ABL2: variants seen among roughly 807,000 people sequenced by gnomAD.
ABL2 encodes ABL proto-oncogene 2, non-receptor tyrosine kinase, also known as tyrosine-protein kinase ABL2.
A neutral mutation model predicts 107.7 loss-of-function variants in ABL2; 49 were observed. The observed-to-expected ratio is 0.45, with a 90% CI of 0.36 to 0.58. The LOEUF is 0.58. Among genes scored for constraint, ABL2 ranks in the 20% least tolerant of loss-of-function variants. ABL2 has a pLI of 0.00. For synonymous variants in ABL2, 549 were observed against 548.6 expected, an observed-to-expected ratio of 1.00 and a Z score of -0.01; for missense variants, 1,245 against 1,457.0, an observed-to-expected ratio of 0.85 and a Z score of 2.37.
intron 4 of ABL2, among the ~76,000 whole-genome samples, chr1:179,123,089 A>T (rs1365003429): frequency 1.3e-5 from 2 of 152,236 alleles, no homozygotes; most frequent in Non-Finnish European, 2.9e-5. Context: ...ATATCACCTT[A>T]ATCTTGTAAA....
intron 1 of ABL2, among the ~76,000 whole-genome samples, chr1:179,217,139 C>T (rs868818712): frequency 3.3e-5 from 5 of 150,636 alleles, no homozygotes; most frequent in African/African-American, 7.3e-5. Flanking sequence ...ACTAAAAATA[C>T]AAAAATTAGC....
intron 1 of ABL2, chr1:179,137,926 G>A (rs1657192435): frequency 6.6e-6 from 1 of 152,218 alleles, no homozygotes; most frequent in Non-Finnish European, 1.5e-5. Context: ...GTTTAAGAAG[G>A]ATGATTGATT....
intron 1 of ABL2, among the ~76,000 whole-genome samples, chr1:179,162,204 T>C (rs1381803208): frequency 6.6e-6 from 1 of 152,134 alleles, no homozygotes; most frequent in Admixed American, 6.5e-5. Context: ...CATAGTCAAA[T>C]AAGATTGGAA....
chr1:179,209,127 C>A (rs1186041595), intron 1 of ABL2, among the ~76,000 whole-genome samples: 1 of 152,204 alleles, frequency 6.6e-6, no homozygotes, highest in Non-Finnish European at 1.5e-5. Flanking sequence ...CCTTCTCCAG[C>A]CCTTCTCCTC....
chr1:179,194,876 CAG>C (rs768778812), intron 1 of ABL2, among the ~76,000 whole-genome samples: 3 of 152,102 alleles, frequency 2.0e-5, no homozygotes, highest in Non-Finnish European at 4.4e-5. Flanking sequence ...AAAAAGCAAA[CAG>C]ATTCAAAAAT....
intron 1 of ABL2, among the ~76,000 whole-genome samples, chr1:179,149,301 A>G (rs1277931783): frequency 6.6e-6 from 1 of 152,248 alleles, no homozygotes; most frequent in East Asian, 1.9e-4. Context: ...GAGGTAAGGA[A>G]GCTGCAGAAG....
At chr1:179,227,909 G>A (rs1663311665) in intron 1 of ABL2, among the ~76,000 whole-genome samples, 1 of 151,916 alleles carries the variant, frequency 6.6e-6, no homozygotes, top group African/African-American at 2.4e-5. Context: ...AAATTAGCCG[G>A]GTGTGGTGGC....
chr1:179,193,650 C>G (rs1661142335), intron 1 of ABL2, among the ~76,000 whole-genome samples: 1 of 152,158 alleles, frequency 6.6e-6, no homozygotes, highest in Non-Finnish European at 1.5e-5. Context: ...AAGTGATCCA[C>G]CCTCCTTGGC....
chr1:179,166,177 G>A lies in ABL2; in HGVS notation c.158-32803C>T, dbSNP rs543432790. Among the ~76,000 whole-genome samples the A allele has an allele frequency of 1.1e-4, 16 of 152,168 alleles. No individual in the cohort carries two copies. In the South Asian group the frequency reaches 3.3e-3, roughly 32 times the overall value. On this transcript the variant is annotated intron_variant, in intron 1 of 11. Coordinates refer to ENST00000502732, the MANE Select transcript of ABL2 (RefSeq NM_007314.4). ...CATAGGAAAAATGCTTCAGGACATT[G>A]ATCTAGGCAAAGATTTTATGGCTAA... is the stretch of plus-strand genomic sequence containing the variant.
At chr1:179,190,993 G>A (rs1166222053) in intron 1 of ABL2, among the ~76,000 whole-genome samples, 1 of 152,152 alleles carries the variant, frequency 6.6e-6, no homozygotes, top group East Asian at 1.9e-4. Flanking sequence ...AAAAAGTAGA[G>A]GCAGCGATCC....
chr1:179,184,785 T>TC (rs1660587451), intron 1 of ABL2, among the ~76,000 whole-genome samples: 1 of 152,156 alleles, frequency 6.6e-6, no homozygotes, highest in Admixed American at 6.5e-5. Flanking sequence ...CTCTTGTGGC[T>TC]CACTTGCCCT....
chr1:179,122,282 A>T (rs1360657579), intron 4 of ABL2, among the ~76,000 whole-genome samples: 1 of 150,890 alleles, frequency 6.6e-6, no homozygotes, highest in Non-Finnish European at 1.5e-5. Context: ...TCTTTAAAAA[A>T]AAAAAAAAAA....
chr1:179,147,868 G>C (rs375615665), intron 1 of ABL2, among the ~76,000 whole-genome samples: 1 of 152,074 alleles, frequency 6.6e-6, no homozygotes, highest in African/African-American at 2.4e-5. Flanking sequence ...GCAATAGAGA[G>C]ACCTCAGCTT....
Position 179,110,329 on chromosome 1 carries a change from T to C in ABL2, c.1778A>G (p.Glu593Gly), listed in dbSNP as rs1490518970. 1.9e-6 allele frequency: 3 copies of C among 1,614,242 alleles called. No individual in the cohort carries two copies. Among genetic ancestry groups the C allele is most frequent in the Non-Finnish European group, 2.5e-6 (3 of 1,180,048 alleles). Residue 593 changes from glutamate to glycine, a missense_variant, in exon 11 of 12, where the codon GAA becomes GGA. Glu to Gly is a moderately conservative substitution (Grantham distance 98). Transcript: ENST00000502732. ...ATTTTCTGTGGCATCTTGTGCCCCT[T>C]CAATGTTCTCCTTGTTCTCCACCTG... ...KKQVENKENI[E>G]GAQDATENSA... is the part of the protein sequence containing the mutation.
chr1:179,198,663 A>G (rs1182200833), intron 1 of ABL2, among the ~76,000 whole-genome samples: 1 of 121,458 alleles, frequency 8.2e-6, no homozygotes, highest in African/African-American at 3.2e-5. Context: ...ACTGCACTCC[A>G]GCCTGGGCAA....
Position 179,229,320 on chromosome 1 carries a change from A to T in ABL2, c.78T>A (p.Ser26Arg), listed in dbSNP as rs768448217. The change falls in exon 1 of 12, where the codon AGT becomes AGA. Residue 26 changes from serine to arginine, a missense_variant. Physicochemically the swap from Ser to Arg is moderately radical, Grantham distance 110. Around this residue, in one of 3 missense-constraint regions of ABL2, gnomAD observed 164 missense variants for 143.7 expected, o/e 1.14. Coordinates refer to ENST00000502732, the MANE Select transcript of ABL2 (RefSeq NM_007314.4). ...GCCTGCGGCCGGAGGGCCTGGCTGC[A>T]CTGCTGCCCCGGATCCCGCGGGGCT... ...QPQPRGIRGSSAARPSGRRRD... is the reference protein window; with the variant it reads ...QPQPRGIRGSRAARPSGRRRD... 1 of 1,583,658 alleles carries T rather than the reference A, an allele frequency of 6.3e-7. No individual in the cohort carries two copies. The highest frequency in any genetic ancestry group is 8.6e-7 in the Non-Finnish European group (1 of 1,167,672).
At chr1:179,184,476 C>A in intron 1 of ABL2, 2 of 875,294 alleles carry the variant, frequency 2.3e-6, no homozygotes, top group Non-Finnish European at 3.6e-6. Context: ...TGCAGGTGCT[C>A]ATATGTTAGG....
chr1:179,171,043 T>C lies in ABL2; in HGVS notation c.158-37669A>G, dbSNP rs114517615. Among the ~76,000 whole-genome samples the C allele has an allele frequency of 8.5e-3, 1,298 of 152,300 alleles. 15 individuals are homozygous for C. The highest frequency in any genetic ancestry group is 0.03 in the African/African-American group (1,238 of 41,552). On this transcript the variant is annotated intron_variant, in intron 1 of 11. Transcript: ENST00000502732. ...AAAAAAATAATAATAATCCCCAACG[T>C]AGTTGTATTTAGAATTAAATGAAAA...
intron 1 of ABL2, among the ~76,000 whole-genome samples, chr1:179,136,658 G>A (rs1298161934): frequency 4.0e-5 from 6 of 148,292 alleles, no homozygotes; most frequent in African/African-American, 1.5e-4. Context: ...CTATTGTCCT[G>A]TGACCCTGCC....
Sources: gnomAD v4.1 joint callset for allele counts (sites outside exome capture counted in the v4.1 genomes callset) on GRCh38, gnomAD v4.1.1 for gene constraint, gnomAD v4.1.1 regional missense constraint, MANE v1.5 for transcripts, NCBI Gene and HGNC (gene_info 2026-07-23, HGNC 2026-07-21) for gene names.